The following DOCK3 variants were observed in gnomAD, a reference collection of about 807,000 sequenced individuals.
DOCK3 encodes the protein dedicator of cytokinesis protein 3.
In DOCK3, 60 loss-of-function variants were observed where a neutral mutation model predicts 265.6. The observed-to-expected ratio is 0.23, with a 90% confidence interval of 0.18 to 0.28. DOCK3 has a LOEUF of 0.28. DOCK3 is among the 10% of genes least tolerant of loss of function. The probability of loss-of-function intolerance (pLI) is 1.00; values close to 1 mark genes in which losing one functional copy is unlikely to be tolerated. For synonymous variants in DOCK3, 881 were observed against 938.0 expected (o/e 0.94, Z 1.11); for missense variants, 1,981 against 2,594.3 (o/e 0.76, Z 5.14).
chr3:51,374,530 A>C lies in DOCK3; in HGVS notation c.5355A>C (p.Thr1785=), dbSNP rs754947395. Residue 1785 remains threonine, a synonymous_variant, in exon 50 of 53, where the codon ACA becomes ACC. Coordinates refer to ENST00000266037, the MANE Select transcript of DOCK3 (RefSeq NM_004947.5). This position sits in a 1 kb window ranked among gnomAD's most constrained non-coding sequence, Gnocchi z 4.8. Reference sequence around the variant, plus strand: ...GTGAAATGATGTTGTTGCTGCCCACATACCGGGACCGCCCAAGCAGTGCCA... The same window carrying C: ...GTGAAATGATGTTGTTGCTGCCCACCTACCGGGACCGCCCAAGCAGTGCCA... The part of the protein sequence containing the change: ...HAREMMLLLP[T]YRDRPSSAMY... 8.1e-6 allele frequency: 13 copies of C among 1,613,896 alleles called. No individual in the cohort carries two copies. The South Asian group carries it at 9.9e-5, about 12-fold the overall frequency.
At chr3:50,681,421 G>C (rs936446178) in intron 1 of DOCK3, among the ~76,000 whole-genome samples, 3 of 152,026 alleles carry the variant, frequency 2.0e-5, no homozygotes, top group African/African-American at 7.3e-5. Context: ...CAACATGTAA[G>C]CATTATTGGG....
intron 2 of DOCK3, among the ~76,000 whole-genome samples, chr3:50,795,659 AG>A (rs35356902): frequency 0.094 from 14,342 of 152,172 alleles, 835 homozygotes; most frequent in Non-Finnish European, 0.12. Context: ...TGTTTACATA[AG>A]CCCATATTTC....
chr3:50,883,186 C>A (rs1486336583), intron 3 of DOCK3, among the ~76,000 whole-genome samples: 1 of 151,892 alleles, frequency 6.6e-6, no homozygotes, highest in African/African-American at 2.4e-5. Context: ...TTAACAGGTG[C>A]AGCACACCAA....
intron 9 of DOCK3, among the ~76,000 whole-genome samples, chr3:51,138,416 T>A (rs1046646329): frequency 1.3e-5 from 2 of 152,078 alleles, no homozygotes; most frequent in Non-Finnish European, 1.5e-5. Flanking sequence ...TTATTTTGAG[T>A]GTTAAAAATT....
At chr3:50,795,058 G>GC (rs1359819148) in intron 2 of DOCK3, among the ~76,000 whole-genome samples, 2 of 151,990 alleles carry the variant, frequency 1.3e-5, no homozygotes, top group Non-Finnish European at 2.9e-5. Context: ...TGGAATATTG[G>GC]CCCCCAATCT....
At chr3:50,841,595 T>C in intron 2 of DOCK3, 80 bp from the exon 3 acceptor site, 1 of 577,828 alleles carries the variant, frequency 1.7e-6, no homozygotes, top group Non-Finnish European at 2.8e-6. Flanking sequence ...TGCATTTATC[T>C]ATTTTTTTCA....
At chr3:50,755,657 G>A (rs915744978) in intron 1 of DOCK3, among the ~76,000 whole-genome samples, 13 of 152,102 alleles carry the variant, frequency 8.5e-5, no homozygotes, top group African/African-American at 3.1e-4. Context: ...GTGCCCAATA[G>A]CAATCAATTC....
At chr3:51,171,269 A>T (rs1186446811) in intron 12 of DOCK3, among the ~76,000 whole-genome samples, 2 of 152,060 alleles carry the variant, frequency 1.3e-5, no homozygotes, top group African/African-American at 4.8e-5. Context: ...TATATTATGA[A>T]TTTCCTTCTT....
chr3:51,248,538 C>T (rs1384132477), intron 22 of DOCK3, among the ~76,000 whole-genome samples: 1 of 152,132 alleles, frequency 6.6e-6, no homozygotes, highest in African/African-American at 2.4e-5. Context: ...GATCTCGGCT[C>T]GCTACAACCT....
intron 14 of DOCK3, among the ~76,000 whole-genome samples, chr3:51,220,670 A>AAT (rs1384358811): frequency 1.2e-4 from 13 of 108,064 alleles, no homozygotes; most frequent in Non-Finnish European, 1.6e-4. Flanking sequence ...AAAAAAAAAA[A>AAT]ATATATATAT....
chr3:51,275,555 C>T (rs933888188), intron 25 of DOCK3, among the ~76,000 whole-genome samples: 10 of 152,122 alleles, frequency 6.6e-5, no homozygotes, highest in Non-Finnish European at 1.3e-4. Context: ...CACAGGGAGG[C>T]AGACCCAGAC....
At chr3:51,276,359 T>C in intron 25 of DOCK3, 1 of 985,142 alleles carries the variant, frequency 1.0e-6, no homozygotes, top group Non-Finnish European at 1.2e-6. Context: ...CCCAAGGTTG[T>C]ATTGAGGGGG....
intron 32 of DOCK3, among the ~76,000 whole-genome samples, chr3:51,329,857 CTGTAGGGAATCCTTGCCTTT>C (rs2084401596): frequency 6.6e-6 from 1 of 152,178 alleles, no homozygotes; most frequent in African/African-American, 2.4e-5. Context: ...GTACTTTTCT[CTGTAGGGAATCCTTGCCTTT>C]TGCCCTTAGA....
intron 2 of DOCK3, among the ~76,000 whole-genome samples, chr3:50,827,596 A>T (rs2044842782): frequency 1.3e-5 from 2 of 152,186 alleles, no homozygotes; most frequent in African/African-American, 4.8e-5. Flanking sequence ...TGTCTGTAGC[A>T]TATATAAATA....
chr3:50,987,703 A>G (rs377125426), intron 5 of DOCK3, among the ~76,000 whole-genome samples: 3 of 152,170 alleles, frequency 2.0e-5, no homozygotes, highest in Non-Finnish European at 4.4e-5. Context: ...GAACGAAGAA[A>G]AGGCAGGATG....
intron 5 of DOCK3, among the ~76,000 whole-genome samples, chr3:50,953,126 T>A (rs1275935534): frequency 6.6e-6 from 1 of 152,126 alleles, no homozygotes; most frequent in East Asian, 1.9e-4. Flanking sequence ...ATAATCTTTC[T>A]TGTTTAATTT....
At chr3:50,696,633 G>C (rs1402864455) in intron 1 of DOCK3, among the ~76,000 whole-genome samples, 1 of 152,182 alleles carries the variant, frequency 6.6e-6, no homozygotes, top group African/African-American at 2.4e-5. Context: ...GGAGGACCAT[G>C]TTATTTGCAG....
At chr3:51,179,574 T>G (rs1264344421) in intron 12 of DOCK3, among the ~76,000 whole-genome samples, 5 of 152,110 alleles carry the variant, frequency 3.3e-5, no homozygotes, top group Non-Finnish European at 5.9e-5. Context: ...AGACATACAA[T>G]GTAGAATAGC....
At chr3:51,031,640 G>A (rs916963289) in intron 5 of DOCK3, among the ~76,000 whole-genome samples, 2 of 152,166 alleles carry the variant, frequency 1.3e-5, no homozygotes, top group Non-Finnish European at 2.9e-5. Flanking sequence ...TCAAAATAAT[G>A]CCTCATACTA....
Sources: allele counts gnomAD v4.1 joint callset (sites outside exome capture counted in the v4.1 genomes callset), GRCh38; gene constraint gnomAD v4.1.1; non-coding constraint Gnocchi (gnomAD v3.1); transcripts MANE v1.5; gene names NCBI Gene and HGNC (gene_info 2026-07-23, HGNC 2026-07-21).